The following ZNF469 variants were observed in gnomAD, a reference collection of about 807,000 sequenced individuals.
The protein encoded by ZNF469 is zinc finger protein 469.
In ZNF469, 1 loss-of-function variant was observed where a neutral mutation model predicts 1.0. That is an observed-to-expected ratio of 1.00 (90% CI 0.35 to 4.73). ZNF469 has a LOEUF of 4.73. Ranked by LOEUF, ZNF469 falls within the 30% of genes most tolerant of loss-of-function variation. ZNF469 has a pLI of 0.16. For missense variants in ZNF469, 6,100 were observed against 5,356.3 expected (o/e 1.14, Z -4.33); for synonymous variants, 2,703 against 2,363.4 (o/e 1.14, Z -4.17).
chr16:88,301,242 C>T, the ZNF469 span, among the ~76,000 whole-genome samples: 3 of 151,866 alleles, frequency 2.0e-5, no homozygotes, highest in African/African-American at 7.3e-5. Flanking sequence ...GCAAGCTTCA[C>T]CTCCCAGGTT....
At chr16:88,105,315 T>C in the ZNF469 span, among the ~76,000 whole-genome samples, 1 of 151,160 alleles carries the variant, frequency 6.6e-6, no homozygotes, top group African/African-American at 2.4e-5. Flanking sequence ...TTTTTTTTTT[T>C]TTTTTTGAGA....
chr16:88,378,569 G>A (rs145857717), upstream of ZNF469, among the ~76,000 whole-genome samples: 40 of 152,210 alleles, frequency 2.6e-4, no homozygotes, highest in East Asian at 5.4e-3. Context: ...AGGGAGCGCC[G>A]AGTCTGCACC....
At chr16:88,371,154 G>C in the ZNF469 span, among the ~76,000 whole-genome samples, 2 of 152,266 alleles carry the variant, frequency 1.3e-5, no homozygotes, top group Middle Eastern at 6.3e-3. Context: ...GGGACTGGCT[G>C]TTACACAGCA....
the ZNF469 span, among the ~76,000 whole-genome samples, chr16:88,346,834 G>C: frequency 2.0e-5 from 3 of 152,238 alleles, no homozygotes; most frequent in Non-Finnish European, 4.4e-5. Flanking sequence ...CCCACTGCTG[G>C]ACTTTCAGGT....
chr16:88,161,288 C>T, the ZNF469 span, among the ~76,000 whole-genome samples: 219 of 152,236 alleles, frequency 1.4e-3, no homozygotes, highest in Middle Eastern at 0.02. Context: ...TCTCCCTAAA[C>T]GGTGACGATC....
chr16:88,104,079 C>G, the ZNF469 span, among the ~76,000 whole-genome samples: 1 of 151,868 alleles, frequency 6.6e-6, no homozygotes, highest in African/African-American at 2.4e-5. Flanking sequence ...CTTGCCAAAG[C>G]CCACACAGCC....
the ZNF469 span, among the ~76,000 whole-genome samples, chr16:88,112,933 A>G: frequency 1.3e-5 from 2 of 152,104 alleles, no homozygotes; most frequent in East Asian, 1.9e-4. Context: ...GCCCGCCACC[A>G]CGCCTGGCTA....
intron 1 of ZNF469, among the ~76,000 whole-genome samples, chr16:88,395,046 C>T (rs181056111): frequency 4.0e-4 from 61 of 152,356 alleles, no homozygotes; most frequent in African/African-American, 1.3e-3. Context: ...CTCAGGTTGG[C>T]TCACGTGCCC....
In ZNF469 at chr16:88,424,061, C is replaced by T. The variant is rs11076732; in HGVS notation, c.-191-746C>T. ...AAAGTCAAACGCAGGTGCCCTTTGA[C>T]GCAGCTAGGCCCACAGCGTTTGGAG... On this transcript the variant is annotated intron_variant, in intron 1 of 2. Transcript: ENST00000565624. The surrounding 1 kb of genome is among the most constrained non-coding windows in gnomAD (Gnocchi z 4.3). 0.83 allele frequency among the ~76,000 whole-genome samples: 126,747 copies of T among 152,264 alleles called. 54,511 individuals are homozygous for T. Among genetic ancestry groups the T allele is most frequent in the South Asian group, 0.96 (4,657 of 4,826 alleles).
chr16:88,406,316 G>A (rs1905027716), intron 1 of ZNF469, among the ~76,000 whole-genome samples: 1 of 152,238 alleles, frequency 6.6e-6, no homozygotes, highest in Admixed American at 6.5e-5. Flanking sequence ...GGGCAGCTGT[G>A]TGTGTGGAAT....
chr16:88,182,991 T>A, the ZNF469 span, among the ~76,000 whole-genome samples: 1 of 152,220 alleles, frequency 6.6e-6, no homozygotes, highest in Non-Finnish European at 1.5e-5. Context: ...AAAACACATT[T>A]CTGACAGGGG....
the ZNF469 span, among the ~76,000 whole-genome samples, chr16:88,270,170 G>T: frequency 6.6e-6 from 1 of 152,190 alleles, no homozygotes; most frequent in Non-Finnish European, 1.5e-5. Flanking sequence ...CCTCCTGGAT[G>T]ACCCCAAGCC....
the ZNF469 span, among the ~76,000 whole-genome samples, chr16:88,109,112 G>T: frequency 6.6e-6 from 1 of 152,314 alleles, no homozygotes; most frequent in African/African-American, 2.4e-5. Context: ...TCATAGCTGG[G>T]TCCCTCTGGA....
chr16:88,252,972 G>A, the ZNF469 span, among the ~76,000 whole-genome samples: 1 of 152,144 alleles, frequency 6.6e-6, no homozygotes, highest in South Asian at 2.1e-4. Flanking sequence ...ACGTTCCTTT[G>A]TATCTGCCGG....
At chr16:88,125,905 C>T in the ZNF469 span, among the ~76,000 whole-genome samples, 1 of 152,012 alleles carries the variant, frequency 6.6e-6, no homozygotes, top group Non-Finnish European at 1.5e-5. Flanking sequence ...TTAAAAAGTT[C>T]CGGTTGGGCG....
chr16:88,188,180 T>A, the ZNF469 span, among the ~76,000 whole-genome samples: 6 of 151,970 alleles, frequency 3.9e-5, no homozygotes, highest in African/African-American at 1.4e-4. Context: ...CCTGGACAAC[T>A]CCTCCTTTCC....
intron 1 of ZNF469, among the ~76,000 whole-genome samples, chr16:88,413,872 T>C (rs546841857): frequency 6.6e-6 from 1 of 152,192 alleles, no homozygotes; most frequent in East Asian, 1.9e-4. Flanking sequence ...GTGAGTGTGG[T>C]GGCAGGTGCC....
Position 88,431,028 on chromosome 16 carries a change from G to C in ZNF469, c.3558G>C (p.Glu1186Asp), listed in dbSNP as rs1567511701. The change falls in exon 3 of 3, where the codon GAG becomes GAC. Residue 1186 changes from glutamate (E) to aspartate (D), a missense_variant. By Grantham distance (45) the Glu-to-Asp change is conservative. Coordinates refer to ENST00000565624, the MANE Select transcript of ZNF469 (RefSeq NM_001367624.2). Reference sequence around the variant, plus strand: ...TGGAGACGGGAGCGGCCGCCAGGGAGGGAGGCCCCAAGTGTGCTGATCGCC... The same window carrying C: ...TGGAGACGGGAGCGGCCGCCAGGGACGGAGGCCCCAAGTGTGCTGATCGCC... ...RSLETGAAAREGGPKCADRPS... is the reference protein window; with the variant it reads ...RSLETGAAARDGGPKCADRPS... 1 of 1,545,788 alleles carries C rather than the reference G, an allele frequency of 6.5e-7. No individual in the cohort carries two copies. Among genetic ancestry groups the C allele is most frequent in the Admixed American group, 2.0e-5 (1 of 50,974 alleles).
At chr16:88,202,309 G>T in the ZNF469 span, among the ~76,000 whole-genome samples, 112 of 152,306 alleles carry the variant, frequency 7.4e-4, no homozygotes, top group Middle Eastern at 3.4e-3. Flanking sequence ...CCAGGAGCTT[G>T]CCCAAAGCTG....
Sources: allele counts gnomAD v4.1 joint callset (sites outside exome capture counted in the v4.1 genomes callset), GRCh38; gene constraint gnomAD v4.1.1; non-coding constraint Gnocchi (gnomAD v3.1); transcripts MANE v1.5; gene names NCBI Gene and HGNC (gene_info 2026-07-23, HGNC 2026-07-21).